TCF20: variants seen among roughly 807,000 people sequenced by gnomAD.
TCF20 encodes the protein SPRE-binding protein.
In TCF20, 3 loss-of-function variants were observed where a neutral mutation model predicts 148.6. The ratio of observed to expected loss-of-function variants is 0.02; its 90% CI spans 0.01 to 0.05. The LOEUF (loss-of-function observed/expected upper bound fraction) is 0.05. Ranked by LOEUF, TCF20 falls within the 10% of genes least tolerant of loss-of-function variation. The probability of loss-of-function intolerance (pLI) is 1.00; values close to 1 mark genes in which losing one functional copy is unlikely to be tolerated. For synonymous variants in TCF20, 1,049 were observed against 909.5 expected (o/e 1.15, Z -2.76); for missense variants, 2,350 against 2,429.3 (o/e 0.97, Z 0.69).
rs3045573 is a variant in TCF20, at chr22:42,161,972, C to CTTTTTTTTT, written c.*45-623_*45-615dup. On this transcript the variant is annotated intron_variant, in intron 5 of 5. Coordinates refer to ENST00000677622, the MANE Select transcript of TCF20 (RefSeq NM_001378418.1). ...GCCACCATGCTTGGCTAATGACAGT[C>CTTTTTTTTT]TTTTTTTTTTTTTTTTTTTTTTTTT... 1.1e-3 allele frequency among the ~76,000 whole-genome samples: 79 copies of CTTTTTTTTT among 75,022 alleles called. 19 individuals are homozygous for CTTTTTTTTT. The highest frequency in any genetic ancestry group is 4.0e-3 in the African/African-American group (62 of 15,658). 49.2% of individuals were successfully genotyped at this position (75,022 alleles called of 152,430 possible).
At chr22:42,321,081 G>A (rs139741472) in intron 1 of TCF20, among the ~76,000 whole-genome samples, 2 of 152,260 alleles carry the variant, frequency 1.3e-5, no homozygotes, top group Non-Finnish European at 2.9e-5. Flanking sequence ...AGTTCCCCAA[G>A]CAACTGTAAA....
intron 2 of TCF20, among the ~76,000 whole-genome samples, chr22:42,190,196 T>C (rs1937258704): frequency 6.6e-6 from 1 of 152,186 alleles, no homozygotes; most frequent in Non-Finnish European, 1.5e-5. Flanking sequence ...AGGTGGCCCA[T>C]GTCTGTTATC....
intron 1 of TCF20, among the ~76,000 whole-genome samples, chr22:42,220,439 C>A (rs1175421761): frequency 6.6e-6 from 1 of 152,240 alleles, no homozygotes; most frequent in African/African-American, 2.4e-5. Context: ...CTCAAGCCAT[C>A]CTGCTGTTTC....
chr22:42,244,275 A>C (rs1373116913), intron 1 of TCF20, among the ~76,000 whole-genome samples: 1 of 152,228 alleles, frequency 6.6e-6, no homozygotes, highest in African/African-American at 2.4e-5. Context: ...CAGCAACTCC[A>C]TTCCTAGGTA....
chr22:42,302,940 G>GT (rs1927364410), intron 1 of TCF20, among the ~76,000 whole-genome samples: 1 of 152,132 alleles, frequency 6.6e-6, no homozygotes, highest in African/African-American at 2.4e-5. Context: ...GCCATTTATT[G>GT]TTTTTTTGAG....
rs1473005418 is a variant in TCF20, at chr22:42,292,784, AG to A, written c.-37+50694del. On this transcript the variant is annotated intron_variant, in intron 1 of 1. Transcript: ENST00000515426. This position sits in a 1 kb window ranked among gnomAD's most constrained non-coding sequence, Gnocchi z 4.9. The stretch of plus-strand genomic sequence containing the variant: ...TCCCAGCCAGCCCCTCTGCGCCTCC[AG>A]GGCCGGCCGAGCACTAGCCCAGGCC... 6.6e-6 allele frequency among the ~76,000 whole-genome samples: 1 copy of A among 151,718 alleles called. No homozygotes were observed. The highest frequency in any genetic ancestry group is 1.5e-5 in the Non-Finnish European group (1 of 67,942).
intron 1 of TCF20, among the ~76,000 whole-genome samples, chr22:42,237,373 C>T (rs577110868): frequency 6.6e-6 from 1 of 152,210 alleles, no homozygotes; most frequent in Non-Finnish European, 1.5e-5. Context: ...AATCCAGTCA[C>T]ATCTCCAGGC....
upstream of TCF20, among the ~76,000 whole-genome samples, chr22:42,272,428 T>C (rs935202128): frequency 6.6e-6 from 1 of 152,042 alleles, no homozygotes; most frequent in Non-Finnish European, 1.5e-5. Context: ...TTCCTTAGAG[T>C]CCCCTGCCCC....
At chr22:42,339,478 C>T (rs1569213299) in intron 1 of TCF20, among the ~76,000 whole-genome samples, 2 of 152,208 alleles carry the variant, frequency 1.3e-5, no homozygotes, top group African/African-American at 2.4e-5. Context: ...AGCGACTAAA[C>T]CCAGCATTCT....
chr22:42,305,178 C>G (rs900934417), intron 1 of TCF20, among the ~76,000 whole-genome samples: 15 of 152,108 alleles, frequency 9.9e-5, no homozygotes, highest in African/African-American at 3.4e-4. Flanking sequence ...GACCCACGCT[C>G]CAGCTCCAGC....
chr22:42,194,201 T>C (rs1380109708), intron 2 of TCF20, among the ~76,000 whole-genome samples: 2 of 152,194 alleles, frequency 1.3e-5, no homozygotes, highest in African/African-American at 4.8e-5. Context: ...CAGAGAATCT[T>C]CTGGAGCTGA....
At chr22:42,173,254 A>C (rs1157646304) in intron 3 of TCF20, among the ~76,000 whole-genome samples, 17 of 151,978 alleles carry the variant, frequency 1.1e-4, no homozygotes, top group Admixed American at 1.3e-4. Context: ...AAAAAAAAAA[A>C]AAAACAGAGC....
chr22:42,267,059 C>G (rs537049201), intron 1 of TCF20, among the ~76,000 whole-genome samples: 1 of 151,578 alleles, frequency 6.6e-6, no homozygotes, highest in African/African-American at 2.4e-5. Flanking sequence ...CACCTGAGGT[C>G]GAGTTTGAGA....
At position 42,338,646 on chromosome 22, in the gene TCF20, C is replaced by T. The variant is rs892624366; in HGVS notation, c.-37+4833G>A. 6.6e-6 allele frequency among the ~76,000 whole-genome samples: 1 copy of T among 152,248 alleles called. No individual in the cohort carries two copies. The highest frequency in any genetic ancestry group is 1.5e-5 in the Non-Finnish European group (1 of 68,046). Reference sequence around the variant, plus strand: ...CCTGCTCGGGAAAGGCGGAGGCAGACAGCCATGTTGCCAGCTCCTGCGACG... The same window carrying T: ...CCTGCTCGGGAAAGGCGGAGGCAGATAGCCATGTTGCCAGCTCCTGCGACG... On this transcript the variant is annotated intron_variant, in intron 1 of 1. Transcript: ENST00000515426. The surrounding 1 kb of genome is among the most constrained non-coding windows in gnomAD (Gnocchi z 4.0).
Position 42,216,079 on chromosome 22 carries a change from C to CTTTTTTTTTTTTTTTTTTTTTTTTTTTT in TCF20, c.-36-766_-36-739dup, listed in dbSNP as rs759118027. Among the ~76,000 whole-genome samples, 14 of 50,572 alleles carry CTTTTTTTTTTTTTTTTTTTTTTTTTTTT rather than the reference C, an allele frequency of 2.8e-4. 3 individuals are homozygous for CTTTTTTTTTTTTTTTTTTTTTTTTTTTT. The highest frequency in any genetic ancestry group is 7.6e-4 in the African/African-American group (9 of 11,834). 33.2% of individuals were successfully genotyped at this position (50,572 alleles called of 152,430 possible). On this transcript the variant is annotated intron_variant, in intron 1 of 5. Transcript: ENST00000677622. ...GGTGTGGGGTAAGAAAAACCAAATC[C>CTTTTTTTTTTTTTTTTTTTTTTTTTTTT]TTTTTTTTTTTTTTTTTTTTTTTTT...
chr22:42,258,268 C>A (rs1010806954), intron 1 of TCF20, among the ~76,000 whole-genome samples: 1 of 152,022 alleles, frequency 6.6e-6, no homozygotes, highest in African/African-American at 2.4e-5. Flanking sequence ...CCATACCTCC[C>A]CCCCCTTCCC....
chr22:42,250,167 C>T (rs377173163), intron 1 of TCF20, among the ~76,000 whole-genome samples: 12 of 152,132 alleles, frequency 7.9e-5, no homozygotes, highest in Non-Finnish European at 7.3e-5. Flanking sequence ...TGGCCAGGCA[C>T]GGTGGCTCAC....
rs547117591 is a variant in TCF20 at position 42,292,085 on chromosome 22, G to A, written c.-37+51394C>T. On this transcript the variant is annotated intron_variant, in intron 1 of 1. Coordinates refer to the TCF20 transcript ENST00000515426. This position sits in a 1 kb window ranked among gnomAD's most constrained non-coding sequence, Gnocchi z 4.9. ...ACACCACCCCTCGTATGAGACCCGT[G>A]AGCACTAATGGGGCCTCACTCCCAT... is the stretch of plus-strand genomic sequence containing the variant. Among the ~76,000 whole-genome samples, 39 of 152,202 alleles carry A rather than the reference G, an allele frequency of 2.6e-4. No homozygotes were observed. Among genetic ancestry groups the A allele is most frequent in the African/African-American group, 6.3e-4 (26 of 41,520 alleles).
intron 3 of TCF20, among the ~76,000 whole-genome samples, chr22:42,175,189 C>T (rs1241537848): frequency 6.6e-6 from 1 of 152,120 alleles, no homozygotes; most frequent in Non-Finnish European, 1.5e-5. Context: ...CTGGTTGGCT[C>T]TTTTAAAAAC....
Sources: gnomAD v4.1 joint callset for allele counts (sites outside exome capture counted in the v4.1 genomes callset) on GRCh38, gnomAD v4.1.1 for gene constraint, Gnocchi (gnomAD v3.1) non-coding constraint, MANE v1.5 for transcripts, NCBI Gene and HGNC (gene_info 2026-07-23, HGNC 2026-07-21) for gene names.